ADAMTSL2: variants seen among roughly 807,000 people sequenced by gnomAD.
The protein encoded by ADAMTSL2 is ADAMTS-like protein 2.
In ADAMTSL2, 55 loss-of-function variants were observed where a neutral mutation model predicts 117.0. The observed-to-expected ratio is 0.47, with a 90% CI of 0.38 to 0.59. The LOEUF is 0.59. Among genes scored for constraint, ADAMTSL2 ranks in the 20% least tolerant of loss-of-function variants. The pLI is 0.00. For synonymous variants in ADAMTSL2, 572 were observed against 566.4 expected, an observed-to-expected ratio of 1.01 and a Z score of -0.14; for missense variants, 1,182 against 1,354.5, an observed-to-expected ratio of 0.87 and a Z score of 2.00.
Position 133,567,056 on chromosome 9 carries a change from AGCCCAGGTACCT to A in ADAMTSL2, c.1872_1874+9del. 6.2e-7 allele frequency: 1 copy of A among 1,607,664 alleles called. No homozygotes were observed. Among genetic ancestry groups the A allele is most frequent in the Non-Finnish European group, 8.5e-7 (1 of 1,179,498 alleles). On this transcript the variant is annotated splice_donor_variant and splice_donor_5th_base_variant and coding_sequence_variant and intron_variant, in exon 13 of 19. Transcript: ENST00000651351. LOFTEE classifies it high-confidence loss of function. Reference sequence around the variant, plus strand: ...GAGTTCTGCGCTGGGAGGGAGTGCCAGCCCAGGTACCTGCCACCAGGGGCCCTGGGCAGGGGG... The same window carrying A: ...GAGTTCTGCGCTGGGAGGGAGTGCCAGCCACCAGGGGCCCTGGGCAGGGGG...
chr9:133,556,020 G>C, intron 11 of ADAMTSL2, 90 bp downstream of exon 11: 1 of 1,525,072 alleles, frequency 6.6e-7, no homozygotes, highest in African/African-American at 1.4e-5. Flanking sequence ...CACTGGGGGG[G>C]TCTGGCCAGA....
intron 7 of ADAMTSL2, 32 bp downstream of exon 7, chr9:133,541,033 C>G: frequency 6.2e-7 from 1 of 1,605,058 alleles, no homozygotes; most frequent in Non-Finnish European, 8.5e-7. Context: ...AGTCCAAGCA[C>G]AGCAGAGTCT....
At chr9:133,566,752 C>T in intron 12 of ADAMTSL2, 184 bp from the exon 13 acceptor site, 1 of 790,006 alleles carries the variant, frequency 1.3e-6, no homozygotes, top group Non-Finnish European at 2.1e-6. Context: ...AAGAGAAGAG[C>T]TCAGACCCGC....
chr9:133,545,333 G>A (rs1045391193), intron 8 of ADAMTSL2, among the ~76,000 whole-genome samples: 75 of 152,126 alleles, frequency 4.9e-4, no homozygotes, highest in African/African-American at 1.8e-3. Flanking sequence ...CACTACCTGG[G>A]TTTACTCCCC....
Position 133,536,810 on chromosome 9 carries a change from G to A in ADAMTSL2, c.90+8G>A, listed in dbSNP as rs1346035337. ...GTGTCAACCGGGTCCACGGTGAGTG[G>A]GGTGTTGTGGTCTGAGGGCCCATGC... On this transcript the variant is annotated splice_region_variant and intron_variant, in intron 2 of 18. Coordinates refer to ENST00000651351, the MANE Select transcript of ADAMTSL2 (RefSeq NM_014694.4). 6.2e-7 allele frequency: 1 copy of A among 1,614,156 alleles called. No homozygotes were observed. Among genetic ancestry groups the A allele is most frequent in the Admixed American group, 1.7e-5 (1 of 60,024 alleles).
chr9:133,569,611 T>A, intron 16 of ADAMTSL2, 33 bp downstream of exon 16: 1 of 1,550,672 alleles, frequency 6.4e-7, no homozygotes, highest in Non-Finnish European at 8.7e-7. Context: ...AAGGGCCTCC[T>A]GGTATCTGGA....
chr9:133,541,233 T>G (rs920717290), intron 7 of ADAMTSL2, among the ~76,000 whole-genome samples: 1 of 151,954 alleles, frequency 6.6e-6, no homozygotes, highest in Non-Finnish European at 1.5e-5. Flanking sequence ...AGTGGACACT[T>G]GGCTTGGGGG....
chr9:133,541,372 T>G (rs1830220531), intron 7 of ADAMTSL2, among the ~76,000 whole-genome samples: 1 of 151,284 alleles, frequency 6.6e-6, no homozygotes, highest in African/African-American at 2.4e-5. Context: ...CACTGCAACC[T>G]CTGCCTCCCA....
intron 7 of ADAMTSL2, 68 bp downstream of exon 7, chr9:133,541,069 C>T (rs933019111): frequency 1.3e-6 from 2 of 1,563,952 alleles, no homozygotes; most frequent in Non-Finnish European, 1.7e-6. Context: ...TGAGTGTGCT[C>T]CTGTCTGCAG....
chr9:133,554,785 C>A lies in ADAMTSL2; in HGVS notation c.1276+92C>A. The A allele has an allele frequency of 8.4e-7, 1 of 1,195,556 alleles. No homozygotes were observed. Among genetic ancestry groups the A allele is most frequent in the Non-Finnish European group, 1.1e-6 (1 of 876,348 alleles). The allele number at this position is 1,195,556 out of a possible 1,614,324, so 74.1% of individuals were successfully genotyped here. A position where few individuals can be genotyped will look rare whatever the true frequency, so the allele number is the denominator to read the frequency against. On this transcript the variant is annotated intron_variant, in intron 10 of 18. Transcript: ENST00000651351. This position sits in a 1 kb window ranked among gnomAD's most constrained non-coding sequence, Gnocchi z 5.2. ...AAGGGGTCTCAGACCCTTTGCAGAC[C>A]TGCAGAGGAGGTTCCTAAGAGCTGC...
At chr9:133,564,241 A>G (rs1439111998) in intron 12 of ADAMTSL2, among the ~76,000 whole-genome samples, 3 of 46,388 alleles carry the variant, frequency 6.5e-5, no homozygotes, top group Non-Finnish European at 8.7e-5. Flanking sequence ...AGAGAGAGAG[A>G]GAAAGAGGGA....
intron 12 of ADAMTSL2, among the ~76,000 whole-genome samples, chr9:133,563,266 G>A (rs1564508249): frequency 1.3e-5 from 2 of 152,352 alleles, no homozygotes; most frequent in East Asian, 3.9e-4. Flanking sequence ...AGGAGCAGCT[G>A]GCCTTGGAAG....
At position 133,567,042 on chromosome 9, in the gene ADAMTSL2, T is replaced by C; in HGVS notation, c.1854T>C (p.Ala618=). 6.2e-7 allele frequency: 1 copy of C among 1,609,482 alleles called. No individual in the cohort carries two copies. Among genetic ancestry groups the C allele is most frequent in the Non-Finnish European group, 8.5e-7 (1 of 1,179,600 alleles). The change falls in exon 13 of 19, where the codon GCT becomes GCC. Residue 618 remains alanine, a synonymous_variant. Transcript: ENST00000651351. ...CCGAGCCTGTCCACGAGTTCTGCGC[T>C]GGGAGGGAGTGCCAGCCCAGGTACC... ...TRPEPVHEFC[A]GRECQPRWET...
rs368135817 is a variant in ADAMTSL2, at chr9:133,536,240, A to G, written c.-150-323A>G. 1.1e-3 allele frequency among the ~76,000 whole-genome samples: 168 copies of G among 152,360 alleles called. No homozygotes were observed. In the Middle Eastern group the frequency reaches 0.024, roughly 22 times the overall value. ...TCTCCTGCGAGGCCAGCAAGAGCTGAGCCAGTTAAAATCCCAAGGTGCTCC... is the reference window on the plus strand; with the variant it reads ...TCTCCTGCGAGGCCAGCAAGAGCTGGGCCAGTTAAAATCCCAAGGTGCTCC... On this transcript the variant is annotated intron_variant, in intron 1 of 18. Coordinates refer to ENST00000651351, the MANE Select transcript of ADAMTSL2 (RefSeq NM_014694.4).
intron 2 of ADAMTSL2, 45 bp downstream of exon 2, chr9:133,536,847 C>G: frequency 6.2e-7 from 1 of 1,613,198 alleles, no homozygotes; most frequent in Non-Finnish European, 8.5e-7. Context: ...AGTCCCCTAC[C>G]CAGGTGCTGT....
At chr9:133,562,435 C>G (rs1458990626) in intron 12 of ADAMTSL2, among the ~76,000 whole-genome samples, 22 of 151,040 alleles carry the variant, frequency 1.5e-4, no homozygotes, top group African/African-American at 5.3e-4. Context: ...GCGTGGCGGG[C>G]ACCCGGCTCG....
rs752055478 is a variant in ADAMTSL2, at chr9:133,536,635, C to T, written c.-78C>T. Reference sequence around the variant, plus strand: ...CTGGGCACTGGCTGGGCCCCGAGGGCTCTTCCCAAAGCGTACCCTGGTCAT... The same window carrying T: ...CTGGGCACTGGCTGGGCCCCGAGGGTTCTTCCCAAAGCGTACCCTGGTCAT... On this transcript the variant is annotated 5_prime_UTR_variant, in exon 2 of 19. Coordinates refer to ENST00000651351, the MANE Select transcript of ADAMTSL2 (RefSeq NM_014694.4). 1.5e-5 allele frequency: 25 copies of T among 1,613,878 alleles called. No individual in the cohort carries two copies. The highest frequency in any genetic ancestry group is 2.1e-5 in the Non-Finnish European group (25 of 1,179,940).
rs1831077809 is a variant in ADAMTSL2 at position 133,570,410 on chromosome 9, G to A, written c.2495G>A (p.Arg832His). 1.3e-5 allele frequency: 20 copies of A among 1,593,298 alleles called. No individual in the cohort carries two copies. The highest frequency in any genetic ancestry group is 6.9e-5 in the Admixed American group (4 of 57,878). Residue 832 changes from arginine to histidine, a missense_variant, in exon 17 of 19, where the codon CGC (arginine) becomes CAC (histidine). By Grantham distance (29) the Arg-to-His change is conservative (BLOSUM62 0). This residue lies in a region of ADAMTSL2 where 465 missense variants were observed against 565.3 expected (regional missense o/e 0.82). Coordinates refer to ENST00000651351, the MANE Select transcript of ADAMTSL2 (RefSeq NM_014694.4). ...MELANGKPQT[R>H]SGPECGLAKK... ...CTGGCCAACGGGAAGCCGCAGACGC[G>A]CAGTGGCCCCGAGTGCGGGCTCGCC...
Position 133,575,473 on chromosome 9 carries a change from C to T in ADAMTSL2, c.*609C>T, listed in dbSNP as rs886063654. 36 of 160,022 alleles carry T rather than the reference C, an allele frequency of 2.2e-4. No homozygotes were observed. The highest frequency in any genetic ancestry group is 4.3e-4 in the Non-Finnish European group (31 of 72,304). 9.9% of individuals were successfully genotyped at this position (160,022 alleles called of 1,614,324 possible). A position where few individuals can be genotyped will look rare whatever the true frequency, so the allele number is the denominator to read the frequency against. The stretch of plus-strand genomic sequence containing the variant: ...CCTCGGCCCCCGCCCCTGCAGTCAG[C>T]GTCAGTGCTCATCTACGTTAATAAA... On this transcript the variant is annotated 3_prime_UTR_variant, in exon 19 of 19. Transcript: ENST00000651351.
Sources: allele counts gnomAD v4.1 joint callset (sites outside exome capture counted in the v4.1 genomes callset), GRCh38; gene constraint gnomAD v4.1.1; regional missense constraint gnomAD v4.1.1; non-coding constraint Gnocchi (gnomAD v3.1); transcripts MANE v1.5; gene names NCBI Gene and HGNC (gene_info 2026-07-23, HGNC 2026-07-21).